Variants in PDZRN4 observed in about 807,000 individuals in gnomAD.
The protein encoded by PDZRN4 is PDZ domain-containing RING finger protein 4.
In PDZRN4, 70 loss-of-function variants were observed where a neutral mutation model predicts 99.0. That is an observed-to-expected ratio of 0.71 (90% CI 0.58 to 0.86). PDZRN4 has a LOEUF of 0.86. PDZRN4 is among the 40% of genes least tolerant of loss of function. The probability of loss-of-function intolerance (pLI) is 0.00; values close to 1 mark genes in which losing one functional copy is unlikely to be tolerated. For missense variants in PDZRN4, 1,474 were observed against 1,331.2 expected (o/e 1.11, Z -1.67); for synonymous variants, 551 against 501.6 (o/e 1.10, Z -1.32).
chr12:41,316,902 A>G (rs1234850733), intron 3 of PDZRN4, among the ~76,000 whole-genome samples: 1 of 151,434 alleles, frequency 6.6e-6, no homozygotes, highest in Non-Finnish European at 1.5e-5. Context: ...TTTCCTGTCC[A>G]TCACATAAGG....
chr12:41,325,835 G>C (rs913096129), intron 3 of PDZRN4, among the ~76,000 whole-genome samples: 1 of 152,244 alleles, frequency 6.6e-6, no homozygotes, highest in East Asian at 1.9e-4. Context: ...TAGACTTAAA[G>C]TGCATGTCTT....
At chr12:41,567,922 C>T in intron 9 of PDZRN4, 23 bp downstream of exon 9, 1 of 1,313,048 alleles carries the variant, frequency 7.6e-7, no homozygotes, top group Admixed American at 2.0e-5. Context: ...ATTTGAACTA[C>T]ATCATTTGAT....
At chr12:41,352,655 C>T (rs1389266146) in intron 3 of PDZRN4, among the ~76,000 whole-genome samples, 1 of 152,060 alleles carries the variant, frequency 6.6e-6, no homozygotes, top group Non-Finnish European at 1.5e-5. Context: ...TTTTTCTGCA[C>T]TTTTCTTTTT....
chr12:41,423,875 C>A (rs1952512478), intron 3 of PDZRN4, among the ~76,000 whole-genome samples: 1 of 152,094 alleles, frequency 6.6e-6, no homozygotes, highest in Non-Finnish European at 1.5e-5. Flanking sequence ...CTATCAGCAG[C>A]ACCATGAGGA....
intron 5 of PDZRN4, among the ~76,000 whole-genome samples, chr12:41,518,554 C>A (rs942661177): frequency 6.6e-6 from 1 of 150,594 alleles, no homozygotes; most frequent in African/African-American, 2.5e-5. Flanking sequence ...TGTATCAATG[C>A]ACAAGAATAG....
At chr12:41,430,480 A>G (rs919570177) in intron 3 of PDZRN4, among the ~76,000 whole-genome samples, 1 of 151,404 alleles carries the variant, frequency 6.6e-6, no homozygotes, top group African/African-American at 2.4e-5. Context: ...AAAAAAAAAA[A>G]GAAAGAAAGA....
intron 3 of PDZRN4, among the ~76,000 whole-genome samples, chr12:41,233,601 T>C (rs558301874): frequency 6.6e-6 from 1 of 152,240 alleles, no homozygotes; most frequent in South Asian, 2.1e-4. Flanking sequence ...TGGAGTACTA[T>C]GCAGCCATAA....
At chr12:41,499,887 G>A (rs558087400) in intron 3 of PDZRN4, among the ~76,000 whole-genome samples, 5 of 152,104 alleles carry the variant, frequency 3.3e-5, no homozygotes, top group South Asian at 4.2e-4. Flanking sequence ...ATATCTCATT[G>A]GGGTGCTGGG....
intron 5 of PDZRN4, among the ~76,000 whole-genome samples, chr12:41,523,546 T>G (rs981954565): frequency 2.6e-5 from 4 of 152,242 alleles, no homozygotes; most frequent in Admixed American, 2.0e-4. Context: ...AAGCACCTAG[T>G]TCGTATTAGA....
chr12:41,201,669 T>G (rs570654466), intron 3 of PDZRN4, among the ~76,000 whole-genome samples: 1 of 152,138 alleles, frequency 6.6e-6, no homozygotes, highest in African/African-American at 2.4e-5. Flanking sequence ...TCCCTGAAAT[T>G]TTTCCAGTTG....
chr12:41,515,841 C>T (rs1211104715), intron 5 of PDZRN4, among the ~76,000 whole-genome samples: 1 of 151,890 alleles, frequency 6.6e-6, no homozygotes, highest in Non-Finnish European at 1.5e-5. Flanking sequence ...GTGTGACTCT[C>T]ATTGGTTTAC....
chr12:41,557,586 C>T (rs985638122), intron 7 of PDZRN4, among the ~76,000 whole-genome samples: 2 of 152,148 alleles, frequency 1.3e-5, no homozygotes, highest in African/African-American at 4.8e-5. Context: ...TCCTGCCCAA[C>T]TTTCTGCAGT....
chr12:41,484,391 A>C (rs972248036), intron 3 of PDZRN4, among the ~76,000 whole-genome samples: 1 of 152,170 alleles, frequency 6.6e-6, no homozygotes, highest in Non-Finnish European at 1.5e-5. Flanking sequence ...GCCTTTTGGC[A>C]TGTTAGTAAA....
At chr12:41,546,174 T>A in intron 5 of PDZRN4, among the ~76,000 whole-genome samples, 1 of 152,320 alleles carries the variant, frequency 6.6e-6, no homozygotes. Context: ...GCATCCCCTC[T>A]GGGACCATGT....
intron 3 of PDZRN4, chr12:41,477,982 A>G: frequency 9.8e-7 from 1 of 1,022,888 alleles, no homozygotes; most frequent in Non-Finnish European, 1.5e-6. Context: ...GAGCGAATTA[A>G]TCTACATGAT....
chr12:41,364,564 A>G (rs1951984727), intron 3 of PDZRN4, among the ~76,000 whole-genome samples: 1 of 152,118 alleles, frequency 6.6e-6, no homozygotes. Flanking sequence ...CAAAATTTAG[A>G]ATTGATTTTT....
At chr12:41,531,651 C>T (rs1193538207) in intron 5 of PDZRN4, among the ~76,000 whole-genome samples, 1 of 152,138 alleles carries the variant, frequency 6.6e-6, no homozygotes, top group Admixed American at 6.5e-5. Flanking sequence ...ACCTTCCCTC[C>T]CCAGCACTTC....
At chr12:41,288,033 G>A (rs1951432052) in intron 3 of PDZRN4, among the ~76,000 whole-genome samples, 2 of 152,178 alleles carry the variant, frequency 1.3e-5, no homozygotes, top group African/African-American at 4.8e-5. Context: ...TACTTGCTCC[G>A]CCTGCTGCAA....
At chr12:41,531,043 C>G (rs1427606747) in intron 5 of PDZRN4, among the ~76,000 whole-genome samples, 1 of 152,016 alleles carries the variant, frequency 6.6e-6, no homozygotes, top group Non-Finnish European at 1.5e-5. Context: ...TTACAGGGTG[C>G]TCTATTTTAA....
Sources: allele counts gnomAD v4.1 joint callset (sites outside exome capture counted in the v4.1 genomes callset), GRCh38; gene constraint gnomAD v4.1.1; transcripts MANE v1.5; gene names NCBI Gene and HGNC (gene_info 2026-07-23, HGNC 2026-07-21).